The following BCAS2 variants were observed in gnomAD, a reference collection of about 807,000 sequenced individuals.
The protein encoded by BCAS2 is BCAS2 pre-mRNA processing factor.
Under a neutral mutation model 35.3 loss-of-function variants are expected in BCAS2, and 34 were observed. The ratio of observed to expected loss-of-function variants is 0.96; its 90% CI spans 0.73 to 1.28. BCAS2 has a LOEUF of 1.28. BCAS2 is among the 50% of genes most tolerant of loss of function. The pLI, the probability that BCAS2 is intolerant of heterozygous loss-of-function variation, is 0.00. For synonymous variants in BCAS2, 75 were observed against 91.6 expected (o/e 0.82, Z 1.03); for missense variants, 221 against 268.1 (o/e 0.82, Z 1.23).
intron 2 of BCAS2, among the ~76,000 whole-genome samples, chr1:114,576,964 T>G (rs1442046610): frequency 6.6e-6 from 1 of 152,168 alleles, no homozygotes; most frequent in East Asian, 1.9e-4. Context: ...AAAAGTGGCA[T>G]GTATTAAGGA....
At chr1:114,575,178 TTTC>T (rs966384183) in intron 4 of BCAS2, among the ~76,000 whole-genome samples, 1 of 121,618 alleles carries the variant, frequency 8.2e-6, no homozygotes, top group Admixed American at 1.1e-4. Context: ...GGCTTTTCTT[TTTC>T]TTTTCTTTTT....
At chr1:114,572,901 C>T (rs1654674808) in intron 4 of BCAS2, among the ~76,000 whole-genome samples, 1 of 151,890 alleles carries the variant, frequency 6.6e-6, no homozygotes, top group Non-Finnish European at 1.5e-5. Flanking sequence ...TCACTTGAGG[C>T]CAGGAGCTCA....
chr1:114,573,395 T>A (rs1016797403), intron 4 of BCAS2, among the ~76,000 whole-genome samples: 2 of 151,728 alleles, frequency 1.3e-5, no homozygotes, highest in African/African-American at 2.4e-5. Flanking sequence ...TACCTGGCTA[T>A]TTTTTTTATT....
Position 114,571,815 on chromosome 1 carries a change from TGA to T in BCAS2, c.420-1067_420-1066del, listed in dbSNP as rs1296576358. ...CTGTCTACTGCTAACTAGAGAGAGG[TGA>T]GAAAAAGAAAACTGTTGTAGAATGA... On this transcript the variant is annotated intron_variant, in intron 4 of 6. Transcript: ENST00000369541. Among the ~76,000 whole-genome samples the T allele has an allele frequency of 1.1e-4, 16 of 152,190 alleles. No individual in the cohort carries two copies. In the East Asian group the frequency reaches 2.9e-3, roughly 28 times the overall value.
intron 4 of BCAS2, among the ~76,000 whole-genome samples, chr1:114,573,203 G>A (rs532257210): frequency 9.5e-4 from 136 of 143,662 alleles, no homozygotes; most frequent in Non-Finnish European, 1.7e-3. Context: ...TTTCAGGTAA[G>A]TTGACAGCAG....
At chr1:114,576,251 A>C (rs200496203) in intron 3 of BCAS2, among the ~76,000 whole-genome samples, 8,190 of 127,076 alleles carry the variant, frequency 0.064, 302 homozygotes, top group Non-Finnish European at 0.092. Context: ...CTCTCTCTAT[A>C]TATATATATA....
chr1:114,575,618 C>T lies in BCAS2; in HGVS notation c.391G>A (p.Gly131Arg). The change falls in exon 4 of 7, where the codon GGA (glycine) becomes AGA (arginine). Residue 131 changes from glycine to arginine, a missense_variant. By Grantham distance (125) the Gly-to-Arg change is moderately radical. Coordinates refer to ENST00000369541, the MANE Select transcript of BCAS2 (RefSeq NM_005872.3). Reference sequence around the variant, plus strand: ...TTGTATACTTTCCAGGCATTACATCCATGCTGTGACATTAGTTCCAGATTC... The same window carrying T: ...TTGTATACTTTCCAGGCATTACATCTATGCTGTGACATTAGTTCCAGATTC... ...IENLELMSQH[G>R]CNAWKVYNEN... The T allele has an allele frequency of 6.2e-7, 1 of 1,610,666 alleles. No individual in the cohort carries two copies.
At position 114,581,499 on chromosome 1, in the gene BCAS2, C is replaced by G; in HGVS notation, c.93G>C (p.Ala31=). 1.2e-6 allele frequency: 2 copies of G among 1,614,166 alleles called. No homozygotes were observed. The highest frequency in any genetic ancestry group is 1.7e-6 in the Non-Finnish European group (2 of 1,180,034). Residue 31 remains alanine, a splice_region_variant and synonymous_variant, in exon 1 of 7, where the codon GCG becomes GCC. Transcript: ENST00000369541. ...QGYEAPGVRE[A]AAALVEEETR... ...AGCTACAAAGACACCCCGCACTCAC[C>G]GCTTCCCGCACACCAGGGGCTTCAT...
rs1170157130 is a variant in BCAS2, at chr1:114,578,211, A to AAAAAAAC, written c.187-1460_187-1454dup. ...CTCAAAAACAAAAAAACAAAAAAAC[A>AAAAAAAC]AAAAAACAAAAAACAAAAAACAAAA... On this transcript the variant is annotated intron_variant, in intron 2 of 6. Transcript: ENST00000369541. Among the ~76,000 whole-genome samples the AAAAAAAC allele has an allele frequency of 6.0e-5, 9 of 150,840 alleles. No homozygotes were observed. In the South Asian group the frequency reaches 8.3e-4, roughly 14 times the overall value.
At chr1:114,576,143 G>A (rs7537958) in intron 3 of BCAS2, among the ~76,000 whole-genome samples, 5 of 151,488 alleles carry the variant, frequency 3.3e-5, no homozygotes, top group Non-Finnish European at 5.9e-5. Context: ...ATACCCATGC[G>A]CCGGTAGAGA....
chr1:114,570,826 C>T lies in BCAS2; in HGVS notation c.420-76G>A, dbSNP rs1396669585. ...TAAAAGTGAACTTTTTCAAGTTTTT[C>T]TGCCAAAAATCATATTTATGGAGCT... On this transcript the variant is annotated intron_variant, in intron 4 of 6. Transcript: ENST00000369541. 8 of 1,052,730 alleles carry T rather than the reference C, an allele frequency of 7.6e-6. No homozygotes were observed. The Admixed American group carries it at 9.8e-5, about 13-fold the overall frequency. The allele number at this position is 1,052,730 out of a possible 1,614,324, so 65.2% of individuals were successfully genotyped here.
intron 6 of BCAS2, among the ~76,000 whole-genome samples, chr1:114,568,891 G>A (rs11102820): frequency 6.7e-6 from 1 of 149,906 alleles, no homozygotes; most frequent in African/African-American, 2.5e-5. Flanking sequence ...GCCTCCTGAA[G>A]AGCTTAGACT....
At chr1:114,569,549 G>A (rs1313504553) in intron 6 of BCAS2, among the ~76,000 whole-genome samples, 4 of 150,792 alleles carry the variant, frequency 2.7e-5, no homozygotes, top group African/African-American at 9.8e-5. Context: ...TGTTGCCCAG[G>A]CTGGAGTGCA....
chr1:114,578,154 C>T (rs1002545378), intron 2 of BCAS2, among the ~76,000 whole-genome samples: 1 of 152,076 alleles, frequency 6.6e-6, no homozygotes, highest in African/African-American at 2.4e-5. Flanking sequence ...CACACCACTG[C>T]ACTCCAGCCT....
chr1:114,573,461 G>A (rs1485578847), intron 4 of BCAS2, among the ~76,000 whole-genome samples: 1 of 151,688 alleles, frequency 6.6e-6, no homozygotes, highest in Non-Finnish European at 1.5e-5. Flanking sequence ...TCAAACTCTT[G>A]GCCTCAAGTG....
rs564868633 is a variant in BCAS2 at position 114,580,064 on chromosome 1, G to T, written c.186+1235C>A. ...TCCTCCCACCTTGGCCTCCTGAGTA[G>T]CTGGGGCTACAGGTGCATGCCATCA... On this transcript the variant is annotated intron_variant, in intron 2 of 6. Transcript: ENST00000369541. Among the ~76,000 whole-genome samples, 5 of 151,948 alleles carry T rather than the reference G, an allele frequency of 3.3e-5. No individual in the cohort carries two copies. The East Asian group carries it at 9.7e-4, about 30-fold the overall frequency.
At chr1:114,576,914 G>GCA (rs141464169) in intron 2 of BCAS2, among the ~76,000 whole-genome samples, 156 bp from the exon 3 acceptor site, 49 of 151,568 alleles carry the variant, frequency 3.2e-4, no homozygotes, top group Middle Eastern at 3.4e-3. Context: ...AGAATCTGAA[G>GCA]CACACACACA....
At chr1:114,574,125 G>A (rs1654705800) in intron 4 of BCAS2, among the ~76,000 whole-genome samples, 1 of 152,180 alleles carries the variant, frequency 6.6e-6, no homozygotes, top group African/African-American at 2.4e-5. Context: ...GCTAGAGCTA[G>A]TTACATGGAA....
At chr1:114,577,383 T>C (rs1408710576) in intron 2 of BCAS2, among the ~76,000 whole-genome samples, 2 of 152,108 alleles carry the variant, frequency 1.3e-5, no homozygotes, top group Non-Finnish European at 2.9e-5. Flanking sequence ...ATTTATTTTT[T>C]TTTTGTGAGA....
Sources: gnomAD v4.1 joint callset for allele counts (sites outside exome capture counted in the v4.1 genomes callset) on GRCh38, gnomAD v4.1.1 for gene constraint, MANE v1.5 for transcripts, NCBI Gene and HGNC (gene_info 2026-07-23, HGNC 2026-07-21) for gene names.